ITPRIPL1: variants seen among roughly 807,000 people sequenced by gnomAD.
The protein encoded by ITPRIPL1 is ITPRIP like 1, also known as inositol 1,4,5-trisphosphate receptor-interacting protein-like 1.
Under a neutral mutation model 40.0 loss-of-function variants are expected in ITPRIPL1, and 28 were observed. That is an observed-to-expected ratio of 0.70 (90% CI 0.52 to 0.96). The LOEUF is 0.96. ITPRIPL1 is among the 40% of genes least tolerant of loss of function. The probability of loss-of-function intolerance (pLI) is 0.00; values close to 1 mark genes in which losing one functional copy is unlikely to be tolerated. For missense variants in ITPRIPL1, 638 were observed against 698.0 expected, an observed-to-expected ratio of 0.91 and a Z score of 0.97; for synonymous variants, 251 against 275.7, an observed-to-expected ratio of 0.91 and a Z score of 0.89.
At chr2:96,328,947 G>C (rs1477149429), downstream of ITPRIPL1, 3 of 151,606 alleles carry the variant, frequency 2.0e-5, no homozygotes, top group Non-Finnish European at 4.4e-5. Context: ...ACCACCCCGG[G>C]CAACATGGTG....
rs1187537295 is a variant in ITPRIPL1, at chr2:96,327,509, C to T, written c.878C>T (p.Ser293Leu). Residue 293 changes from serine to leucine, a missense_variant, in exon 3 of 3, where the codon TCG (serine) becomes TTG (leucine). Coordinates refer to ENST00000439118, the MANE Select transcript of ITPRIPL1 (RefSeq NM_001008949.3). ...CTGGTGCACCACCACAGGGACCCCT[C>T]GGCAGTCTTGGGGAAGTGTAGTAGC... ...LCLVHHHRDP[S>L]AVLGKCSSSI... is the part of the protein sequence containing the mutation. The T allele has an allele frequency of 1.2e-5, 20 of 1,613,940 alleles. No homozygotes were observed. Among genetic ancestry groups the T allele is most frequent in the Non-Finnish European group, 1.7e-5 (20 of 1,179,996 alleles).
In ITPRIPL1 at chr2:96,327,331, A is replaced by C. The variant is rs777297382; in HGVS notation, c.700A>C (p.Lys234Gln). 6.2e-7 allele frequency: 1 copy of C among 1,614,108 alleles called. No homozygotes were observed. Among genetic ancestry groups the C allele is most frequent in the East Asian group, 2.2e-5 (1 of 44,880 alleles). Residue 234 changes from lysine (K) to glutamine (Q), a missense_variant, in exon 3 of 3, where the codon AAA (lysine) becomes CAA (glutamine). By Grantham distance (53) the Lys-to-Gln change is moderately conservative. Transcript: ENST00000439118. ...EKWGTLHETQ[K>Q]FDILVPIVPP... is the part of the protein sequence containing the mutation. ...ATGGGGAACCCTCCATGAGACCCAG[A>C]AATTTGATATCCTGGTGCCCATTGT...
Position 96,328,040 on chromosome 2 carries a change from T to A in ITPRIPL1, c.1409T>A (p.Leu470His). The change falls in exon 3 of 3, where the codon CTC becomes CAC. Residue 470 changes from leucine to histidine, a missense_variant. Transcript: ENST00000439118. The part of the protein sequence containing the change: ...LPLTDWAHNM[L>H]SQRLQDILWF... ...CTCACGGACTGGGCCCACAACATGC[T>A]CTCTCAGCGGCTCCAGGACATTCTC... The A allele has an allele frequency of 6.2e-7, 1 of 1,614,120 alleles. No individual in the cohort carries two copies. The highest frequency in any genetic ancestry group is 8.5e-7 in the Non-Finnish European group (1 of 1,180,000).
In ITPRIPL1 at chr2:96,327,414, C is replaced by G. The variant is rs139155090; in HGVS notation, c.783C>G (p.Arg261=). 10 of 1,613,848 alleles carry G rather than the reference C, an allele frequency of 6.2e-6. No individual in the cohort carries two copies. Among genetic ancestry groups the G allele is most frequent in the African/African-American group, 1.3e-5 (1 of 74,924 alleles). ...LEMRDPALGR[R]CGCVLVESEC... ...TGAGGGACCCAGCCCTGGGCCGCCG[C>G]TGTGGCTGTGTGCTGGTGGAGTCAG... The change falls in exon 3 of 3, where the codon CGC becomes CGG. Residue 261 remains arginine, a synonymous_variant. Coordinates refer to ENST00000439118, the MANE Select transcript of ITPRIPL1 (RefSeq NM_001008949.3).
chr2:96,327,401 C>A lies in ITPRIPL1; in HGVS notation c.770C>A (p.Ala257Asp). The A allele has an allele frequency of 1.9e-6, 3 of 1,613,904 alleles. No individual in the cohort carries two copies. The highest frequency in any genetic ancestry group is 2.5e-6 in the Non-Finnish European group (3 of 1,179,900). Residue 257 changes from alanine (A) to aspartate (D), a missense_variant, in exon 3 of 3, where the codon GCC becomes GAC. Ala to Asp is a moderately radical substitution (Grantham distance 126). Transcript: ENST00000439118. Reference sequence around the variant, plus strand: ...TTTGTCCTGGAGATGAGGGACCCAGCCCTGGGCCGCCGCTGTGGCTGTGTG... The same window carrying A: ...TTTGTCCTGGAGATGAGGGACCCAGACCTGGGCCGCCGCTGTGGCTGTGTG... ...TMFVLEMRDPALGRRCGCVLV... is the reference protein window; with the variant it reads ...TMFVLEMRDPDLGRRCGCVLV...
At chr2:96,326,578 T>C (rs766046447) in intron 2 of ITPRIPL1, 64 bp from the exon 3 acceptor site, 3 of 1,604,152 alleles carry the variant, frequency 1.9e-6, no homozygotes, top group Non-Finnish European at 2.6e-6. Context: ...CTCTGGGGAA[T>C]GTGAGCTAGA....
chr2:96,327,571 G>C lies in ITPRIPL1; in HGVS notation c.940G>C (p.Asp314His). 2 of 1,612,294 alleles carry C rather than the reference G, an allele frequency of 1.2e-6. No individual in the cohort carries two copies. The highest frequency in any genetic ancestry group is 1.1e-5 in the South Asian group (1 of 90,784). Reference protein sequence around the residue: ...KAALCTGFHLDVCKTVQWFRN... With the variant: ...KAALCTGFHLHVCKTVQWFRN... ...AGCTCTCTGCACCGGCTTCCACCTAGACGTGTGCAAGACTGTGCAGTGGTT... is the reference window on the plus strand; with the variant it reads ...AGCTCTCTGCACCGGCTTCCACCTACACGTGTGCAAGACTGTGCAGTGGTT... The change falls in exon 3 of 3, where the codon GAC becomes CAC. Residue 314 changes from aspartate to histidine, a missense_variant. Physicochemically the swap from Asp to His is moderately conservative, Grantham distance 81 (BLOSUM62 -1). Transcript: ENST00000439118.
Position 96,327,711 on chromosome 2 carries a change from C to CT in ITPRIPL1, c.1083dup (p.Leu362SerfsTer24). On this transcript the variant is annotated frameshift_variant, in exon 3 of 3. Transcript: ENST00000439118. LOFTEE classifies it high-confidence loss of function. Reference sequence around the variant, plus strand: ...TCCGGCTGGACTATCGCTCAGGCCGCTTTCTCTCAATCCACTTGGTCCTGG... The same window carrying CT: ...TCCGGCTGGACTATCGCTCAGGCCGCTTTTCTCTCAATCCACTTGGTCCTGG... 1 of 1,613,238 alleles carries CT rather than the reference C, an allele frequency of 6.2e-7. No homozygotes were observed. Among genetic ancestry groups the CT allele is most frequent in the Admixed American group, 1.7e-5 (1 of 59,838 alleles).
chr2:96,328,440 G>A (rs914063808), downstream of ITPRIPL1: 17 of 789,006 alleles, frequency 2.2e-5, no homozygotes, highest in East Asian at 5.3e-5. Flanking sequence ...CTTAAGGAGC[G>A]TGTGAGGTGG....
In ITPRIPL1 at chr2:96,326,894, G is replaced by C; in HGVS notation, c.263G>C (p.Gly88Ala). Residue 88 changes from glycine (G) to alanine (A), a missense_variant, in exon 3 of 3, where the codon GGG (glycine) becomes GCG (alanine). Transcript: ENST00000439118. Reference protein sequence around the residue: ...GDTSSDQLVLGKKDMGWPFQA... With the variant: ...GDTSSDQLVLAKKDMGWPFQA... ...ACATCCAGTGACCAGTTAGTGCTGG[G>C]GAAGAAAGACATGGGGTGGCCGTTC... is the stretch of plus-strand genomic sequence containing the variant. 2 of 1,614,230 alleles carry C rather than the reference G, an allele frequency of 1.2e-6. No homozygotes were observed. The highest frequency in any genetic ancestry group is 2.2e-5 in the East Asian group (1 of 44,888).
rs768074298 is a variant in ITPRIPL1, at chr2:96,326,747, C to A, written c.116C>A (p.Ala39Asp). 2.5e-6 allele frequency: 4 copies of A among 1,614,238 alleles called. No homozygotes were observed. The Admixed American group carries it at 6.7e-5, about 27-fold the overall frequency. Reference protein sequence around the residue: ...VSDRMDLDTLARSRQLEKRMS... With the variant: ...VSDRMDLDTLDRSRQLEKRMS... ...GATCGGATGGACCTGGACACATTAG[C>A]CAGGAGTCGGCAGCTGGAGAAGCGA... is the stretch of plus-strand genomic sequence containing the variant. The change falls in exon 3 of 3, where the codon GCC becomes GAC. Residue 39 changes from alanine to aspartate, a missense_variant. Coordinates refer to ENST00000439118, the MANE Select transcript of ITPRIPL1 (RefSeq NM_001008949.3).
chr2:96,328,305 A>C lies in ITPRIPL1; in HGVS notation c.*6A>C. The stretch of plus-strand genomic sequence containing the variant: ...CACTGGCTGCAGCACCTTGATGTAA[A>C]GACCATTAAAAAAAAAACAGAGGAA... On this transcript the variant is annotated 3_prime_UTR_variant, in exon 3 of 3. Coordinates refer to ENST00000439118, the MANE Select transcript of ITPRIPL1 (RefSeq NM_001008949.3). The C allele has an allele frequency of 1.3e-6, 2 of 1,582,888 alleles. No individual in the cohort carries two copies. The highest frequency in any genetic ancestry group is 1.7e-6 in the Non-Finnish European group (2 of 1,168,914).
chr2:96,326,644 G>C lies in ITPRIPL1; in HGVS notation c.13G>C (p.Ala5Pro), dbSNP rs1237254363. 6.2e-7 allele frequency: 1 copy of C among 1,614,108 alleles called. No homozygotes were observed. The highest frequency in any genetic ancestry group is 1.7e-5 in the Admixed American group (1 of 60,006). The change falls in exon 3 of 3, where the codon GCA becomes CCA. Residue 5 changes from alanine (A) to proline (P), a missense_variant and splice_region_variant. Transcript: ENST00000439118. ...CTCCTACTCTCCTACTTCTCCAGATGCAGAGGCCTCCATGGCTGTGATAAG... is the reference window on the plus strand; with the variant it reads ...CTCCTACTCTCCTACTTCTCCAGATCCAGAGGCCTCCATGGCTGTGATAAG... MNVD[A>P]EASMAVISLL...
At position 96,327,027 on chromosome 2, in the gene ITPRIPL1, G is replaced by C; in HGVS notation, c.396G>C (p.Gln132His). The C allele has an allele frequency of 6.2e-7, 1 of 1,614,232 alleles. No homozygotes were observed. Among genetic ancestry groups the C allele is most frequent in the South Asian group, 1.1e-5 (1 of 91,082 alleles). Residue 132 changes from glutamine to histidine, a missense_variant, in exon 3 of 3, where the codon CAG becomes CAC. Gln to His is a conservative substitution (Grantham distance 24). Coordinates refer to ENST00000439118, the MANE Select transcript of ITPRIPL1 (RefSeq NM_001008949.3). ...TTGAGCTCCTGCGACAGAACATGCA[G>C]CATGAACCGGCCTTTGATTCCAGCA... is the stretch of plus-strand genomic sequence containing the variant. ...LVFELLRQNM[Q>H]HEPAFDSSSE...
chr2:96,326,038 G>A lies in ITPRIPL1; in HGVS notation c.10+189G>A, dbSNP rs57966158. Among the ~76,000 whole-genome samples the A allele has an allele frequency of 2.3e-3, 345 of 152,318 alleles. 2 individuals are homozygous for A. Among genetic ancestry groups the A allele is most frequent in the African/African-American group, 7.8e-3 (323 of 41,566 alleles). On this transcript the variant is annotated intron_variant, in intron 2 of 2. Transcript: ENST00000439118. ...CACGGGGTATCCACTAGCCCCTTAG[G>A]AGCAGAGAGGGCACCGTAGCAAGCA...
At chr2:96,326,473 C>T (rs2104386778) in intron 2 of ITPRIPL1, 169 bp from the exon 3 acceptor site, 5 of 1,544,418 alleles carry the variant, frequency 3.2e-6, no homozygotes, top group East Asian at 4.5e-5. Context: ...CTCGAACCTC[C>T]TCCCAGGCCG....
Position 96,326,985 on chromosome 2 carries a change from T to A in ITPRIPL1, c.354T>A (p.Phe118Leu), listed in dbSNP as rs145411973. 1,040 of 1,614,210 alleles carry A rather than the reference T, an allele frequency of 6.4e-4. 13 individuals carry two copies. In the South Asian group the frequency reaches 0.011, roughly 17 times the overall value. The change falls in exon 3 of 3, where the codon TTT becomes TTA. Residue 118 changes from phenylalanine (F) to leucine (L), a missense_variant. By Grantham distance (22) the Phe-to-Leu change is conservative. Coordinates refer to ENST00000439118, the MANE Select transcript of ITPRIPL1 (RefSeq NM_001008949.3). ...GAAACCTGTGGAACACTGGCCTCTT[T>A]TGCCTTTTTCTCGTCTTTGAGCTCC... ...MLGNLWNTGLFCLFLVFELLR... is the reference protein window; with the variant it reads ...MLGNLWNTGLLCLFLVFELLR...
downstream of ITPRIPL1, chr2:96,330,277 A>T (rs12990175): frequency 1.3e-5 from 2 of 149,544 alleles, no homozygotes; most frequent in Non-Finnish European, 3.0e-5. Flanking sequence ...AAAAAAAAAA[A>T]GGTTCCCAGA....
downstream of ITPRIPL1, chr2:96,329,618 G>C (rs1480218360): frequency 5.4e-5 from 8 of 146,968 alleles, no homozygotes; most frequent in Admixed American, 5.4e-4. Flanking sequence ...TTGTGGTTTT[G>C]AAAGAGAGGT....
Sources: allele counts gnomAD v4.1 joint callset (sites outside exome capture counted in the v4.1 genomes callset), GRCh38; gene constraint gnomAD v4.1.1; transcripts MANE v1.5; gene names NCBI Gene and HGNC (gene_info 2026-07-23, HGNC 2026-07-21).